The following DLG2 variants were observed in gnomAD, a reference collection of about 807,000 sequenced individuals.
DLG2 encodes disks large homolog 2.
A neutral mutation model predicts 132.5 loss-of-function variants in DLG2; 45 were observed. That is an observed-to-expected ratio of 0.34 (90% CI 0.27 to 0.44). DLG2 has a LOEUF of 0.44. Among genes scored for constraint, DLG2 ranks in the 20% least tolerant of loss-of-function variants. The probability of loss-of-function intolerance (pLI) is 1.00; values close to 1 mark genes in which losing one functional copy is unlikely to be tolerated. For synonymous variants in DLG2, 424 were observed against 419.6 expected (o/e 1.01, Z -0.13); for missense variants, 1,045 against 1,196.9 (o/e 0.87, Z 1.87).
chr11:85,289,035 T>C (rs1197039047), intron 3 of DLG2, among the ~76,000 whole-genome samples: 1 of 152,026 alleles, frequency 6.6e-6, no homozygotes, highest in Admixed American at 6.6e-5. Context: ...CTTCATTAAT[T>C]TATACCCCCA....
At chr11:83,723,795 G>A (rs2089321978) in intron 18 of DLG2, among the ~76,000 whole-genome samples, 1 of 152,100 alleles carries the variant, frequency 6.6e-6, no homozygotes, top group African/African-American at 2.4e-5. Context: ...GGCGGAGGTT[G>A]CAGTGAGCCA....
chr11:85,261,378 C>A (rs955738150), intron 4 of DLG2, among the ~76,000 whole-genome samples: 11 of 152,016 alleles, frequency 7.2e-5, no homozygotes, highest in Non-Finnish European at 1.3e-4. Context: ...GACACCACAT[C>A]CCCCACCCCC....
chr11:83,841,947 T>C (rs1595260799), intron 16 of DLG2, among the ~76,000 whole-genome samples: 1 of 152,336 alleles, frequency 6.6e-6, no homozygotes, highest in South Asian at 2.1e-4. Context: ...CAGAAACTTG[T>C]GAGCAATAAG....
intron 7 of DLG2, among the ~76,000 whole-genome samples, chr11:84,334,434 A>G (rs2098474739): frequency 6.6e-6 from 1 of 152,138 alleles, no homozygotes; most frequent in Non-Finnish European, 1.5e-5. Flanking sequence ...TTGTTTAACC[A>G]CTTTTCTGAG....
intron 7 of DLG2, among the ~76,000 whole-genome samples, chr11:84,258,899 G>A (rs1158506951): frequency 6.6e-6 from 1 of 152,146 alleles, no homozygotes; most frequent in African/African-American, 2.4e-5. Context: ...GTCCCTTAAT[G>A]TCTTGCAAAC....
intron 6 of DLG2, among the ~76,000 whole-genome samples, chr11:84,916,348 C>CAAAAA (rs11423369): frequency 0.093 from 2,593 of 27,918 alleles, 621 homozygotes; most frequent in Non-Finnish European, 0.1. Context: ...GACTCCGTCT[C>CAAAAA]AAAAAAAAAA....
chr11:85,545,855 A>T (rs564198128), intron 3 of DLG2, among the ~76,000 whole-genome samples: 107 of 151,748 alleles, frequency 7.1e-4, no homozygotes, highest in African/African-American at 2.5e-3. Context: ...CCATTTTTTT[A>T]TTGCATCTAT....
intron 6 of DLG2, among the ~76,000 whole-genome samples, chr11:84,982,932 A>C (rs905083222): frequency 6.6e-6 from 1 of 152,204 alleles, no homozygotes; most frequent in Non-Finnish European, 1.5e-5. Flanking sequence ...AACCTCTTCA[A>C]TGAAGAAATC....
At chr11:84,942,249 CTTTAT>C (rs1245947439) in intron 6 of DLG2, among the ~76,000 whole-genome samples, 1 of 151,918 alleles carries the variant, frequency 6.6e-6, no homozygotes, top group African/African-American at 2.4e-5. Flanking sequence ...CTGGTCTGAT[CTTTAT>C]TTTATTTTAC....
At chr11:85,278,218 A>G (rs2152747889) in intron 4 of DLG2, among the ~76,000 whole-genome samples, 1 of 152,352 alleles carries the variant, frequency 6.6e-6, no homozygotes, top group East Asian at 1.9e-4. Context: ...AAGACATTTA[A>G]CTTCTCTGAG....
chr11:83,808,028 C>G (rs146025995), intron 17 of DLG2, among the ~76,000 whole-genome samples: 26 of 152,176 alleles, frequency 1.7e-4, no homozygotes, highest in African/African-American at 6.0e-4. Context: ...CTGCTCCCCA[C>G]GCATACACAT....
intron 4 of DLG2, among the ~76,000 whole-genome samples, chr11:85,236,979 G>C (rs1193458759): frequency 1.3e-5 from 2 of 151,982 alleles, no homozygotes; most frequent in South Asian, 2.1e-4. Flanking sequence ...TTTAACAAAA[G>C]CTTCCCACAA....
intron 3 of DLG2, among the ~76,000 whole-genome samples, chr11:85,322,838 C>T (rs528472153): frequency 6.6e-6 from 1 of 152,162 alleles, no homozygotes; most frequent in South Asian, 2.1e-4. Context: ...TCAATTTTTC[C>T]CATTCCTGCT....
At chr11:84,799,705 C>T (rs2075130052) in intron 6 of DLG2, among the ~76,000 whole-genome samples, 1 of 152,024 alleles carries the variant, frequency 6.6e-6, no homozygotes, top group Admixed American at 6.5e-5. Context: ...TTAAACTTCT[C>T]AATTTTACTT....
intron 11 of DLG2, among the ~76,000 whole-genome samples, chr11:83,984,227 T>C (rs2128778): frequency 9.0e-6 from 1 of 110,598 alleles, no homozygotes; most frequent in African/African-American, 4.5e-5. Flanking sequence ...GATAGATAGA[T>C]AGATAGATAA....
intron 6 of DLG2, among the ~76,000 whole-genome samples, chr11:84,650,987 T>A (rs2099681379): frequency 6.6e-6 from 1 of 151,126 alleles, no homozygotes; most frequent in South Asian, 2.1e-4. Context: ...CTGTGCTTTT[T>A]AAAAAGTGAT....
chr11:85,489,894 G>A (rs1296327845), intron 3 of DLG2, among the ~76,000 whole-genome samples: 2 of 151,862 alleles, frequency 1.3e-5, no homozygotes, highest in Non-Finnish European at 2.9e-5. Context: ...CAAAAAATGA[G>A]TAAATAAAAA....
intron 15 of DLG2, among the ~76,000 whole-genome samples, chr11:83,900,862 G>A (rs1415256045): frequency 6.6e-6 from 1 of 152,130 alleles, no homozygotes; most frequent in African/African-American, 2.4e-5. Context: ...AGCTTGCACT[G>A]TGTGCCTGGA....
At chr11:85,122,855 CACACACATAT>C (rs942064279) in intron 5 of DLG2, among the ~76,000 whole-genome samples, 2 of 147,426 alleles carry the variant, frequency 1.4e-5, no homozygotes, top group Non-Finnish European at 3.0e-5. Context: ...CACATAAATG[CACACACATAT>C]ACACACATAT....
Sources: allele counts gnomAD v4.1 joint callset (sites outside exome capture counted in the v4.1 genomes callset), GRCh38; gene constraint gnomAD v4.1.1; transcripts MANE v1.5; gene names NCBI Gene and HGNC (gene_info 2026-07-23, HGNC 2026-07-21).